Variants in APPBP2 observed in about 807,000 individuals in gnomAD.
APPBP2 encodes amyloid beta precursor protein binding protein 2.
APPBP2 carries 15 observed loss-of-function variants against 76.0 expected under a neutral mutation model. That is an observed-to-expected ratio of 0.20 (90% CI 0.13 to 0.30). The LOEUF is 0.30. Among genes scored for constraint, APPBP2 ranks in the 10% least tolerant of loss-of-function variants. The pLI, the probability that APPBP2 is intolerant of heterozygous loss-of-function variation, is 1.00. For missense variants in APPBP2, 401 were observed against 687.2 expected (o/e 0.58, Z 4.66); for synonymous variants, 222 against 242.2 (o/e 0.92, Z 0.77).
At chr17:60,490,620 T>C (rs914651634) in intron 3 of APPBP2, among the ~76,000 whole-genome samples, 1 of 152,168 alleles carries the variant, frequency 6.6e-6, no homozygotes. Flanking sequence ...TGAGCTATGA[T>C]TGTTGATATG....
intron 2 of APPBP2, among the ~76,000 whole-genome samples, chr17:60,494,996 T>G (rs1265799217): frequency 6.7e-6 from 1 of 149,612 alleles, no homozygotes. Flanking sequence ...TTTTTTTTTT[T>G]TTTTTTGAGA....
At chr17:60,470,051 C>T (rs180986895) in intron 4 of APPBP2, among the ~76,000 whole-genome samples, 130 of 152,090 alleles carry the variant, frequency 8.5e-4, no homozygotes, top group Middle Eastern at 3.4e-3. Flanking sequence ...AGCAGAATCA[C>T]TTGATTTCTT....
intron 3 of APPBP2, among the ~76,000 whole-genome samples, chr17:60,488,272 A>C (rs1183395593): frequency 6.6e-6 from 1 of 152,182 alleles, no homozygotes; most frequent in Admixed American, 6.5e-5. Context: ...AGGGATGTTT[A>C]AGTCTGCAGA....
At chr17:60,519,223 A>G (rs1429720206) in intron 1 of APPBP2, among the ~76,000 whole-genome samples, 1 of 152,070 alleles carries the variant, frequency 6.6e-6, no homozygotes, top group East Asian at 1.9e-4. Context: ...TTGGTCTCCC[A>G]AAGTGCTGGG....
chr17:60,445,277 T>C lies in APPBP2; in HGVS notation c.*2304A>G, dbSNP rs140284205. The C allele has an allele frequency of 1.8e-3, 274 of 152,756 alleles. 1 individual carries two copies. Among genetic ancestry groups the C allele is most frequent in the African/African-American group, 6.4e-3 (266 of 41,574 alleles). 9.5% of individuals were successfully genotyped at this position (152,756 alleles called of 1,614,324 possible). ...TCAAAAAAACACAACTGGCTGCCAATTGACATTATCACCCTGTGATCCTAG... is the reference window on the plus strand; with the variant it reads ...TCAAAAAAACACAACTGGCTGCCAACTGACATTATCACCCTGTGATCCTAG... On this transcript the variant is annotated 3_prime_UTR_variant, in exon 13 of 13. Coordinates refer to ENST00000083182, the MANE Select transcript of APPBP2 (RefSeq NM_006380.5).
chr17:60,493,429 T>C (rs990850397), intron 3 of APPBP2, among the ~76,000 whole-genome samples: 5 of 152,294 alleles, frequency 3.3e-5, no homozygotes, highest in African/African-American at 1.2e-4. Flanking sequence ...TATACATACA[T>C]TAAACAATAT....
At position 60,447,532 on chromosome 17, in the gene APPBP2, G is replaced by A; in HGVS notation, c.*49C>T. On this transcript the variant is annotated 3_prime_UTR_variant, in exon 13 of 13. Coordinates refer to ENST00000083182, the MANE Select transcript of APPBP2 (RefSeq NM_006380.5). ...CAACATGGTTTTGATTTCACAGTATGAATTCCCTGGAATCCGGGAAAAGGT... is the reference window on the plus strand; with the variant it reads ...CAACATGGTTTTGATTTCACAGTATAAATTCCCTGGAATCCGGGAAAAGGT... 6.5e-7 allele frequency: 1 copy of A among 1,549,410 alleles called. No homozygotes were observed. The highest frequency in any genetic ancestry group is 8.7e-7 in the Non-Finnish European group (1 of 1,149,472).
rs139409168 is a variant in APPBP2, at chr17:60,447,957, G to C, written c.1505-123C>G. The C allele has an allele frequency of 2.5e-3, 2,164 of 861,692 alleles. 56 individuals are homozygous for C. The East Asian group carries it at 0.048, about 19-fold the overall frequency. 53.4% of individuals were successfully genotyped at this position (861,692 alleles called of 1,614,324 possible). A position where few individuals can be genotyped will look rare whatever the true frequency, so the allele number is the denominator to read the frequency against. ...GTGGCTTAGGTTTATTCCCCTGAAAGGAATAGATATAATTCTTGTATCAGC... is the reference window on the plus strand; with the variant it reads ...GTGGCTTAGGTTTATTCCCCTGAAACGAATAGATATAATTCTTGTATCAGC... On this transcript the variant is annotated intron_variant, in intron 12 of 12. Coordinates refer to ENST00000083182, the MANE Select transcript of APPBP2 (RefSeq NM_006380.5).
At chr17:60,505,516 G>A (rs752255193) in intron 1 of APPBP2, among the ~76,000 whole-genome samples, 5 of 150,986 alleles carry the variant, frequency 3.3e-5, no homozygotes, top group South Asian at 2.1e-4. Context: ...GGGGCTTCAC[G>A]GTGTTAGCCA....
At chr17:60,499,724 A>G (rs1014710017) in intron 2 of APPBP2, among the ~76,000 whole-genome samples, 1 of 152,246 alleles carries the variant, frequency 6.6e-6, no homozygotes, top group Non-Finnish European at 1.5e-5. Flanking sequence ...ATGGAATATA[A>G]TCTAGCCATA....
rs2091051446 is a variant in APPBP2 at position 60,525,973 on chromosome 17, GAAGGCCCCCA to G, written c.-52_-43del. The G allele has an allele frequency of 6.5e-7, 1 of 1,539,362 alleles. No homozygotes were observed. The highest frequency in any genetic ancestry group is 1.4e-5 in the African/African-American group (1 of 73,272). ...TCCGCCTCCTCCGCCTCCTCCTCCC[GAAGGCCCCCA>G]CCTCCCTCCGTAGCGAACCCCTCTG... is the stretch of plus-strand genomic sequence containing the variant. On this transcript the variant is annotated 5_prime_UTR_variant, in exon 1 of 13. Coordinates refer to ENST00000083182, the MANE Select transcript of APPBP2 (RefSeq NM_006380.5).
chr17:60,449,394 C>T (rs2090374226), intron 12 of APPBP2, among the ~76,000 whole-genome samples: 1 of 152,102 alleles, frequency 6.6e-6, no homozygotes, highest in African/African-American at 2.4e-5. Context: ...AAGTTCGAGA[C>T]CAACCTGGCC....
chr17:60,451,725 T>C (rs144674180), intron 12 of APPBP2, among the ~76,000 whole-genome samples, 155 bp downstream of exon 12: 2,284 of 152,220 alleles, frequency 0.015, 48 homozygotes, highest in African/African-American at 0.051. Flanking sequence ...GTGATCTGCC[T>C]ATCTCGGCCT....
At chr17:60,487,036 G>C (rs2090685059) in intron 3 of APPBP2, among the ~76,000 whole-genome samples, 1 of 152,154 alleles carries the variant, frequency 6.6e-6, no homozygotes, top group Non-Finnish European at 1.5e-5. Context: ...CTCTCTTCTG[G>C]CTTGTAGAGT....
At chr17:60,482,986 G>A (rs2090642981) in intron 3 of APPBP2, among the ~76,000 whole-genome samples, 1 of 152,150 alleles carries the variant, frequency 6.6e-6, no homozygotes, top group Admixed American at 6.5e-5. Context: ...TCTAGTTCTA[G>A]ATCCTTGAGG....
intron 3 of APPBP2, among the ~76,000 whole-genome samples, chr17:60,494,186 C>G (rs2090754089): frequency 6.6e-6 from 1 of 152,192 alleles, no homozygotes; most frequent in African/African-American, 2.4e-5. Context: ...AGCTCTACTA[C>G]TAGCTATGTG....
intron 3 of APPBP2, among the ~76,000 whole-genome samples, chr17:60,492,457 C>T (rs951577502): frequency 7.2e-5 from 11 of 152,164 alleles, no homozygotes; most frequent in African/African-American, 2.7e-4. Context: ...GACGCCAGTC[C>T]GTGAAAGCAG....
intron 11 of APPBP2, among the ~76,000 whole-genome samples, chr17:60,452,292 G>A (rs1319762481): frequency 6.6e-6 from 1 of 151,990 alleles, no homozygotes; most frequent in African/African-American, 2.4e-5. Flanking sequence ...AACTTATCCT[G>A]GTAATAAAAA....
rs1048063636 is a variant in APPBP2, at chr17:60,474,691, G to A, written c.503+4457C>T. 9.9e-5 allele frequency among the ~76,000 whole-genome samples: 15 copies of A among 152,186 alleles called. No individual in the cohort carries two copies. In the South Asian group the frequency reaches 1.2e-3, roughly 13 times the overall value. On this transcript the variant is annotated intron_variant, in intron 4 of 12. Transcript: ENST00000083182. Reference sequence around the variant, plus strand: ...ACACTAAACCTGTAATAGGTTTGACGTGGTAAATTTTTGTTTTTTGTTATT... The same window carrying A: ...ACACTAAACCTGTAATAGGTTTGACATGGTAAATTTTTGTTTTTTGTTATT...
Sources: allele counts gnomAD v4.1 joint callset (sites outside exome capture counted in the v4.1 genomes callset), GRCh38; gene constraint gnomAD v4.1.1; transcripts MANE v1.5; gene names NCBI Gene and HGNC (gene_info 2026-07-23, HGNC 2026-07-21).